The following PIP5K1B variants were observed in gnomAD, a reference collection of about 807,000 sequenced individuals.
The protein encoded by PIP5K1B is phosphatidylinositol-4-phosphate 5-kinase type 1 beta.
In PIP5K1B, 42 loss-of-function variants were observed where a neutral mutation model predicts 67.0. The observed-to-expected ratio is 0.63, with a 90% CI of 0.49 to 0.81. PIP5K1B has a LOEUF of 0.81. Among genes scored for constraint, PIP5K1B ranks in the 30% least tolerant of loss-of-function variants. The probability of loss-of-function intolerance (pLI) is 0.00; values close to 1 mark genes in which losing one functional copy is unlikely to be tolerated. For missense variants in PIP5K1B, 459 were observed against 646.3 expected (o/e 0.71, Z 3.14); for synonymous variants, 214 against 231.4 (o/e 0.92, Z 0.68).
chr9:68,977,169 C>T (rs1829668338), intron 14 of PIP5K1B, among the ~76,000 whole-genome samples: 1 of 152,172 alleles, frequency 6.6e-6, no homozygotes, highest in South Asian at 2.1e-4. Flanking sequence ...CACATATGAA[C>T]AGTAAAACAC....
At chr9:69,004,787 A>C (rs1257821063) in intron 15 of PIP5K1B, among the ~76,000 whole-genome samples, 2 of 152,210 alleles carry the variant, frequency 1.3e-5, no homozygotes, top group African/African-American at 4.8e-5. Flanking sequence ...CTCCTGAGTT[A>C]TGAATTTGAA....
chr9:68,880,232 G>C (rs543558385), intron 6 of PIP5K1B, among the ~76,000 whole-genome samples: 1 of 152,094 alleles, frequency 6.6e-6, no homozygotes, highest in Non-Finnish European at 1.5e-5. Context: ...AATTCTTTTC[G>C]CTTTTATGTA....
intron 6 of PIP5K1B, among the ~76,000 whole-genome samples, chr9:68,882,671 A>T (rs1243801921): frequency 1.3e-5 from 2 of 152,192 alleles, no homozygotes; most frequent in Non-Finnish European, 2.9e-5. Flanking sequence ...TGTTGTTTTC[A>T]TATTTTCACA....
intron 6 of PIP5K1B, among the ~76,000 whole-genome samples, chr9:68,882,651 C>T (rs1250594973): frequency 6.6e-6 from 1 of 152,156 alleles, no homozygotes; most frequent in African/African-American, 2.4e-5. Flanking sequence ...CCTCTAATTT[C>T]TGCATCCTTT....
intron 5 of PIP5K1B, among the ~76,000 whole-genome samples, chr9:68,866,108 TCC>T (rs769641244): frequency 0.39 from 59,763 of 151,494 alleles, 12,393 homozygotes; most frequent in Middle Eastern, 0.48. Context: ...TTTAGAGGCA[TCC>T]ATTGTCACAT....
intron 11 of PIP5K1B, among the ~76,000 whole-genome samples, chr9:68,922,057 T>C (rs12351476): frequency 0.11 from 16,845 of 152,208 alleles, 2,128 homozygotes; most frequent in African/African-American, 0.31. Context: ...TAATCCTCTA[T>C]GGATACCCCT....
chr9:68,934,792 C>G (rs1827169401), intron 12 of PIP5K1B, 98 bp from the exon 13 acceptor site: 2 of 854,212 alleles, frequency 2.3e-6, no homozygotes, highest in South Asian at 6.1e-5. Flanking sequence ...CAAATAATAA[C>G]TAAAATGTTA....
rs937934226 is a variant in PIP5K1B at position 68,705,240 on chromosome 9, C to G, written c.-765C>G. ...CGCGGCAGCCGCCGCGCAGCCGGCTCTCTCTGCGCCTCGCTCCGACTCCGG... is the reference window on the plus strand; with the variant it reads ...CGCGGCAGCCGCCGCGCAGCCGGCTGTCTCTGCGCCTCGCTCCGACTCCGG... On this transcript the variant is annotated 5_prime_UTR_variant, in exon 1 of 16. Transcript: ENST00000265382. 6.6e-6 allele frequency among the ~76,000 whole-genome samples: 1 copy of G among 151,928 alleles called. No homozygotes were observed. Among genetic ancestry groups the G allele is most frequent in the South Asian group, 2.1e-4 (1 of 4,838 alleles).
At chr9:68,989,556 T>C (rs902236528) in intron 14 of PIP5K1B, among the ~76,000 whole-genome samples, 5 of 151,250 alleles carry the variant, frequency 3.3e-5, no homozygotes, top group African/African-American at 7.3e-5. Flanking sequence ...TTTTTTTTTT[T>C]CAAATATTTT....
intron 8 of PIP5K1B, among the ~76,000 whole-genome samples, chr9:68,898,659 A>G (rs1331618072): frequency 1.3e-5 from 2 of 152,126 alleles, no homozygotes; most frequent in African/African-American, 2.4e-5. Context: ...GAACATGACC[A>G]TCGTGCAGCC....
chr9:68,971,408 G>T (rs549910157), intron 14 of PIP5K1B, among the ~76,000 whole-genome samples: 2 of 152,180 alleles, frequency 1.3e-5, no homozygotes, highest in Admixed American at 1.3e-4. Flanking sequence ...TGGGCATTTC[G>T]GTTGGTTCCA....
chr9:68,852,050 C>T (rs769542038), intron 4 of PIP5K1B, among the ~76,000 whole-genome samples: 6 of 152,058 alleles, frequency 3.9e-5, no homozygotes, highest in Admixed American at 1.3e-4. Context: ...CATCACACAC[C>T]GGGGCCTATC....
At chr9:68,827,685 G>A (rs1199862600) in intron 4 of PIP5K1B, among the ~76,000 whole-genome samples, 1 of 152,066 alleles carries the variant, frequency 6.6e-6, no homozygotes, top group African/African-American at 2.4e-5. Flanking sequence ...AAAGATGTGG[G>A]GAATATTTTT....
intron 1 of PIP5K1B, among the ~76,000 whole-genome samples, chr9:68,722,653 C>T (rs1564088171): frequency 6.7e-6 from 1 of 148,824 alleles, no homozygotes; most frequent in African/African-American, 2.5e-5. Flanking sequence ...TATTTATTAC[C>T]ATGTATGTAT....
intron 14 of PIP5K1B, among the ~76,000 whole-genome samples, chr9:68,972,054 C>G (rs1829398739): frequency 6.6e-6 from 1 of 152,178 alleles, no homozygotes; most frequent in South Asian, 2.1e-4. Context: ...GTCATTAAGT[C>G]TTTGCCCATG....
chr9:68,748,613 C>CTTTTTTTTTTTT (rs58954806), intron 2 of PIP5K1B, among the ~76,000 whole-genome samples: 2 of 98,300 alleles, frequency 2.0e-5, no homozygotes, highest in African/African-American at 3.8e-5. Context: ...GATTTCTTTT[C>CTTTTTTTTTTTT]TTTTTTTTTT....
intron 14 of PIP5K1B, among the ~76,000 whole-genome samples, chr9:68,961,277 T>C (rs1828733559): frequency 6.6e-6 from 1 of 151,366 alleles, no homozygotes; most frequent in Non-Finnish European, 1.5e-5. Context: ...AAGTTAGCAG[T>C]TACCTAGTGC....
At position 68,760,153 on chromosome 9, in the gene PIP5K1B, C is replaced by T. The variant is rs567621657; in HGVS notation, c.-86+17496C>T. 4.6e-5 allele frequency among the ~76,000 whole-genome samples: 7 copies of T among 152,180 alleles called. No individual in the cohort carries two copies. The East Asian group carries it at 1.2e-3, about 25-fold the overall frequency. Reference sequence around the variant, plus strand: ...CATCTGTGGCTAGCTACAAGCTCAGCTCTGTGGCACAGTTCATGTAACTCA... The same window carrying T: ...CATCTGTGGCTAGCTACAAGCTCAGTTCTGTGGCACAGTTCATGTAACTCA... On this transcript the variant is annotated intron_variant, in intron 2 of 15. Transcript: ENST00000265382.
chr9:68,906,450 C>A (rs1825615781), intron 8 of PIP5K1B, among the ~76,000 whole-genome samples: 1 of 152,112 alleles, frequency 6.6e-6, no homozygotes, highest in African/African-American at 2.4e-5. Flanking sequence ...AATGAAATGG[C>A]CAAGGACAAT....
Sources: gnomAD v4.1 joint callset for allele counts (sites outside exome capture counted in the v4.1 genomes callset) on GRCh38, gnomAD v4.1.1 for gene constraint, MANE v1.5 for transcripts, NCBI Gene and HGNC (gene_info 2026-07-23, HGNC 2026-07-21) for gene names.